Variants in CNTNAP2 observed in about 807,000 individuals in gnomAD.
The protein encoded by CNTNAP2 is contactin associated protein 2, also known as contactin-associated protein-like 2.
Under a neutral mutation model 155.2 loss-of-function variants are expected in CNTNAP2, and 98 were observed. The observed-to-expected ratio is 0.63, with a 90% confidence interval of 0.54 to 0.75. The LOEUF is 0.75. CNTNAP2 is among the 30% of genes least tolerant of loss of function. CNTNAP2 has a pLI of 0.00. For synonymous variants in CNTNAP2, 651 were observed against 631.2 expected, an observed-to-expected ratio of 1.03 and a Z score of -0.47; for missense variants, 1,727 against 1,688.1, an observed-to-expected ratio of 1.02 and a Z score of -0.40.
At chr7:146,484,350 T>C (rs1797023914) in intron 1 of CNTNAP2, among the ~76,000 whole-genome samples, 1 of 152,218 alleles carries the variant, frequency 6.6e-6, no homozygotes, top group Non-Finnish European at 1.5e-5. Context: ...CATAAAATTG[T>C]TATTGCCAGT....
chr7:146,463,724 G>A (rs1031570536), intron 1 of CNTNAP2, among the ~76,000 whole-genome samples: 5 of 151,702 alleles, frequency 3.3e-5, no homozygotes, highest in African/African-American at 9.7e-5. Context: ...GTATATGTGT[G>A]TATATATATA....
intron 3 of CNTNAP2, among the ~76,000 whole-genome samples, chr7:146,877,652 T>A (rs893662518): frequency 3.3e-5 from 5 of 151,884 alleles, no homozygotes; most frequent in African/African-American, 1.2e-4. Context: ...TATATGTGTA[T>A]ATGTACATAT....
intron 20 of CNTNAP2, among the ~76,000 whole-genome samples, chr7:148,256,234 T>A: frequency 6.6e-6 from 1 of 152,066 alleles, no homozygotes; most frequent in Non-Finnish European, 1.5e-5. Context: ...AATAGTGCCC[T>A]GAAAAGACAC....
chr7:146,631,610 G>A (rs569884739), intron 1 of CNTNAP2, among the ~76,000 whole-genome samples: 1 of 152,192 alleles, frequency 6.6e-6, no homozygotes, highest in South Asian at 2.1e-4. Flanking sequence ...CTGAATTCTG[G>A]TTAGTCTTCT....
intron 2 of CNTNAP2, among the ~76,000 whole-genome samples, chr7:146,823,573 A>G (rs1191712772): frequency 6.8e-6 from 1 of 147,508 alleles, no homozygotes; most frequent in Admixed American, 6.8e-5. Context: ...ACATGGAAAT[A>G]TACCATTCTT....
At chr7:147,807,504 TA>T (rs954322552) in intron 13 of CNTNAP2, among the ~76,000 whole-genome samples, 17 of 152,022 alleles carry the variant, frequency 1.1e-4, no homozygotes, top group African/African-American at 3.1e-4. Context: ...AAATTAAAAA[TA>T]AAAAAAATTA....
chr7:148,139,814 C>T (rs1465455614), intron 16 of CNTNAP2, among the ~76,000 whole-genome samples: 1 of 152,154 alleles, frequency 6.6e-6, no homozygotes, highest in African/African-American at 2.4e-5. Context: ...GCTGGGATTA[C>T]AGGCATGAGC....
intron 1 of CNTNAP2, among the ~76,000 whole-genome samples, chr7:146,365,212 C>A (rs1382751588): frequency 6.6e-6 from 1 of 152,020 alleles, no homozygotes. Context: ...TCATGTCTAC[C>A]CAGAGTTCAA....
At chr7:147,287,685 C>T (rs1805211390) in intron 8 of CNTNAP2, among the ~76,000 whole-genome samples, 1 of 152,080 alleles carries the variant, frequency 6.6e-6, no homozygotes, top group Non-Finnish European at 1.5e-5. Context: ...TATATAACTG[C>T]CTACCTGATA....
intron 3 of CNTNAP2, among the ~76,000 whole-genome samples, chr7:146,929,055 G>A (rs1320803137): frequency 1.3e-5 from 2 of 152,202 alleles, no homozygotes; most frequent in Non-Finnish European, 2.9e-5. Flanking sequence ...AGACTTAAAT[G>A]TCCCTGTCTG....
At chr7:148,126,537 G>A (rs148456461) in intron 16 of CNTNAP2, among the ~76,000 whole-genome samples, 5 of 152,284 alleles carry the variant, frequency 3.3e-5, no homozygotes, top group East Asian at 1.9e-4. Flanking sequence ...CAGTTTGGGC[G>A]GTAAGAAGAA....
At chr7:146,376,680 C>T (rs147000914) in intron 1 of CNTNAP2, among the ~76,000 whole-genome samples, 194 of 152,122 alleles carry the variant, frequency 1.3e-3, no homozygotes, top group South Asian at 6.4e-3. Context: ...CACATTGTTA[C>T]GGTATAAATG....
intron 13 of CNTNAP2, among the ~76,000 whole-genome samples, chr7:147,737,662 C>T (rs955396722): frequency 2.0e-5 from 3 of 152,172 alleles, no homozygotes; most frequent in African/African-American, 7.2e-5. Context: ...GCAGTGGGCT[C>T]CACCCAGTTT....
Position 147,300,741 on chromosome 7 carries a change from TG to T in CNTNAP2, c.1498+452del, listed in dbSNP as rs1300831665. 3.3e-5 allele frequency among the ~76,000 whole-genome samples: 5 copies of T among 152,284 alleles called. No homozygotes were observed. The East Asian group carries it at 9.7e-4, about 29-fold the overall frequency. On this transcript the variant is annotated intron_variant, in intron 9 of 23. Coordinates refer to ENST00000361727, the MANE Select transcript of CNTNAP2 (RefSeq NM_014141.6). ...TTGACGTCAAACTGTTACTTGTGGCTGCATCATTGGAAGCCTCGTCTGCTTC... is the reference window on the plus strand; with the variant it reads ...TTGACGTCAAACTGTTACTTGTGGCTCATCATTGGAAGCCTCGTCTGCTTC...
rs1337438496 is a variant in CNTNAP2, at chr7:147,132,524, TTTG to T, written c.1348+16_1348+18del. 1 of 1,613,320 alleles carries T rather than the reference TTTG, an allele frequency of 6.2e-7. No homozygotes were observed. The highest frequency in any genetic ancestry group is 1.1e-5 in the South Asian group (1 of 91,056). Reference sequence around the variant, plus strand: ...TATTTCCTCAGGTCAGTGAAACCTATTTGACATTTGTTCCTGAAACTTATTGCA... The same window carrying T: ...TATTTCCTCAGGTCAGTGAAACCTATACATTTGTTCCTGAAACTTATTGCA... On this transcript the variant is annotated intron_variant, in intron 8 of 23. Coordinates refer to ENST00000361727, the MANE Select transcript of CNTNAP2 (RefSeq NM_014141.6).
At chr7:147,280,155 C>T (rs1193630297) in intron 8 of CNTNAP2, among the ~76,000 whole-genome samples, 3 of 151,930 alleles carry the variant, frequency 2.0e-5, no homozygotes, top group Non-Finnish European at 4.4e-5. Flanking sequence ...GTGGGAAAGC[C>T]GCTGTTTAAA....
At chr7:147,214,565 T>A (rs1002382403) in intron 8 of CNTNAP2, among the ~76,000 whole-genome samples, 2 of 152,216 alleles carry the variant, frequency 1.3e-5, no homozygotes, top group African/African-American at 4.8e-5. Flanking sequence ...GGTTTGCTTA[T>A]ATCTCATATA....
intron 2 of CNTNAP2, among the ~76,000 whole-genome samples, chr7:146,837,613 T>C (rs1406592351): frequency 2.0e-5 from 3 of 152,200 alleles, no homozygotes; most frequent in African/African-American, 7.2e-5. Context: ...ATGTCTAGTA[T>C]ATTTTTCAGT....
intron 1 of CNTNAP2, among the ~76,000 whole-genome samples, chr7:146,274,536 C>G (rs6950309): frequency 0.023 from 3,428 of 152,198 alleles, 143 homozygotes; most frequent in African/African-American, 0.078. Context: ...ACTCATCAGC[C>G]CTTTGGAGGA....
Sources: allele counts gnomAD v4.1 joint callset (sites outside exome capture counted in the v4.1 genomes callset), GRCh38; gene constraint gnomAD v4.1.1; transcripts MANE v1.5; gene names NCBI Gene and HGNC (gene_info 2026-07-23, HGNC 2026-07-21).